The following WWP1 variants were observed in gnomAD, a reference collection of about 807,000 sequenced individuals.
The protein encoded by WWP1 is WW domain containing E3 ubiquitin protein ligase 1, also known as NEDD4-like E3 ubiquitin-protein ligase WWP1.
A neutral mutation model predicts 130.6 loss-of-function variants in WWP1; 49 were observed. The ratio of observed to expected loss-of-function variants is 0.38; its 90% CI spans 0.30 to 0.48. WWP1 has a LOEUF of 0.48. Among genes scored for constraint, WWP1 ranks in the 20% least tolerant of loss-of-function variants. The pLI is 0.99. For missense variants in WWP1, 809 were observed against 1,100.6 expected (o/e 0.74, Z 3.75); for synonymous variants, 332 against 367.8 (o/e 0.90, Z 1.11).
At position 86,342,629 on chromosome 8, in the gene WWP1, G is replaced by GCGCGGCGCCGGCGACGCGGCCA. The variant is rs1018125963; in HGVS notation, c.-407_-386dup. 24 of 221,872 alleles carry GCGCGGCGCCGGCGACGCGGCCA rather than the reference G, an allele frequency of 1.1e-4. No individual in the cohort carries two copies. In the South Asian group the frequency reaches 2.2e-3, roughly 20 times the overall value. The allele number at this position is 221,872 out of a possible 1,614,324, so 13.7% of individuals were successfully genotyped here. A position where few individuals can be genotyped will look rare whatever the true frequency, so the allele number is the denominator to read the frequency against. ...GCCGGCGGGGAGGCGCGCGCTTAGG[G>GCGCGGCGCCGGCGACGCGGCCA]CGCGGCGCCGGCGACGCGGCCACGC... On this transcript the variant is annotated 5_prime_UTR_variant, in exon 1 of 25. Coordinates refer to ENST00000517970, the MANE Select transcript of WWP1 (RefSeq NM_007013.4).
chr8:86,361,995 T>TATATATATATAC (rs1563465163), intron 1 of WWP1, among the ~76,000 whole-genome samples: 2 of 129,420 alleles, frequency 1.5e-5, no homozygotes, highest in African/African-American at 2.6e-5. Flanking sequence ...TATATATACA[T>TATATATATATAC]ATATATACAC....
chr8:86,434,148 C>T (rs1279157527), intron 14 of WWP1, among the ~76,000 whole-genome samples: 2 of 152,126 alleles, frequency 1.3e-5, no homozygotes, highest in African/African-American at 2.4e-5. Context: ...TGTTGTTACT[C>T]TCCATACAGC....
intron 24 of WWP1, 101 bp downstream of exon 24, chr8:86,461,947 A>G (rs1015516102): frequency 1.1e-6 from 1 of 905,698 alleles, no homozygotes; most frequent in African/African-American, 1.7e-5. Flanking sequence ...CTTATTCATT[A>G]AAGTAGTCAG....
In WWP1 at chr8:86,459,757, G is replaced by A. The variant is rs561424539; in HGVS notation, c.2500-1467G>A. On this transcript the variant is annotated intron_variant, in intron 22 of 24. Coordinates refer to ENST00000517970, the MANE Select transcript of WWP1 (RefSeq NM_007013.4). ...GCTTTTTACTAGCTTCATTACAGTC[G>A]GTGTTCCATGGCTTTCTGTTTACAC... is the stretch of plus-strand genomic sequence containing the variant. 4.7e-4 allele frequency among the ~76,000 whole-genome samples: 71 copies of A among 152,122 alleles called. No individual in the cohort carries two copies. The South Asian group carries it at 9.5e-3, about 20-fold the overall frequency.
At position 86,448,294 on chromosome 8, in the gene WWP1, T is replaced by C; in HGVS notation, c.2132+13T>C. The C allele has an allele frequency of 1.9e-6, 3 of 1,584,546 alleles. No individual in the cohort carries two copies. The highest frequency in any genetic ancestry group is 2.6e-6 in the Non-Finnish European group (3 of 1,170,812). ...TTATCTGGATAAGGTTTGAAGATTTTGTTTTGCAATAAGTCATTTTTTTGA... is the reference window on the plus strand; with the variant it reads ...TTATCTGGATAAGGTTTGAAGATTTCGTTTTGCAATAAGTCATTTTTTTGA... On this transcript the variant is annotated intron_variant, in intron 19 of 24. Transcript: ENST00000517970.
chr8:86,424,261 G>A (rs1385893364), intron 9 of WWP1, among the ~76,000 whole-genome samples: 2 of 151,272 alleles, frequency 1.3e-5, no homozygotes, highest in East Asian at 2.0e-4. Flanking sequence ...GCCAGGCAGA[G>A]ACACTCCTCA....
At chr8:86,390,220 C>G (rs61661701) in intron 5 of WWP1, among the ~76,000 whole-genome samples, 9 of 149,690 alleles carry the variant, frequency 6.0e-5, no homozygotes, top group Admixed American at 1.3e-4. Context: ...ACTGGGCGGC[C>G]GGGCAGAGGG....
chr8:86,429,058 G>A (rs574301336), intron 11 of WWP1, among the ~76,000 whole-genome samples: 2 of 152,222 alleles, frequency 1.3e-5, no homozygotes, highest in South Asian at 2.1e-4. Context: ...TCAAGGACCC[G>A]GGTTCTTTCT....
intron 10 of WWP1, among the ~76,000 whole-genome samples, chr8:86,427,303 T>C (rs2130656069): frequency 6.6e-6 from 1 of 152,216 alleles, no homozygotes; most frequent in South Asian, 2.1e-4. Context: ...ACCTAGATGA[T>C]GTGTTGATAG....
intron 22 of WWP1, among the ~76,000 whole-genome samples, chr8:86,460,946 A>AC (rs1304870115): frequency 2.6e-5 from 4 of 151,526 alleles, no homozygotes; most frequent in Non-Finnish European, 5.9e-5. Flanking sequence ...AGTAGCTGGG[A>AC]CTACAGGCGC....
intron 18 of WWP1, among the ~76,000 whole-genome samples, chr8:86,447,588 T>C (rs1563542373): frequency 6.6e-6 from 1 of 152,136 alleles, no homozygotes; most frequent in East Asian, 1.9e-4. Flanking sequence ...ATTTTAATGA[T>C]TGACTATGGA....
At chr8:86,355,252 A>G (rs931049378) in intron 1 of WWP1, among the ~76,000 whole-genome samples, 2 of 152,202 alleles carry the variant, frequency 1.3e-5, no homozygotes, top group African/African-American at 2.4e-5. Context: ...GAGTAATGAT[A>G]TCCTGATGAT....
chr8:86,435,829 C>A (rs1586457381), intron 16 of WWP1, 125 bp downstream of exon 16: 2 of 871,152 alleles, frequency 2.3e-6, no homozygotes, highest in East Asian at 5.1e-5. Context: ...ATGACTGCCA[C>A]CACCACTTGT....
At chr8:86,363,071 C>A (rs1465355780) in intron 1 of WWP1, among the ~76,000 whole-genome samples, 2 of 152,038 alleles carry the variant, frequency 1.3e-5, no homozygotes, top group Non-Finnish European at 2.9e-5. Context: ...ACAAAATTAT[C>A]ACAAATTTAG....
chr8:86,372,638 T>C (rs939388627), intron 2 of WWP1, among the ~76,000 whole-genome samples: 11 of 152,222 alleles, frequency 7.2e-5, no homozygotes, highest in African/African-American at 2.7e-4. Flanking sequence ...AGTTTCATTT[T>C]TTTTCCATAT....
chr8:86,381,042 A>C (rs1824956661), intron 4 of WWP1, among the ~76,000 whole-genome samples, 178 bp downstream of exon 4: 1 of 151,794 alleles, frequency 6.6e-6, no homozygotes, highest in Admixed American at 6.6e-5. Flanking sequence ...AGGATGCATA[A>C]TAATGCTTGC....
intron 5 of WWP1, among the ~76,000 whole-genome samples, chr8:86,384,992 C>A (rs1476402761): frequency 1.3e-5 from 2 of 148,760 alleles, no homozygotes; most frequent in East Asian, 4.0e-4. Flanking sequence ...CCACTGCATT[C>A]AAGTCTGGGT....
At chr8:86,462,785 T>A (rs1811836326) in intron 24 of WWP1, among the ~76,000 whole-genome samples, 1 of 151,974 alleles carries the variant, frequency 6.6e-6, no homozygotes, top group Non-Finnish European at 1.5e-5. Context: ...GCAAAAGCAA[T>A]GGTTTGTGAA....
chr8:86,345,122 A>G (rs761004663), intron 1 of WWP1, among the ~76,000 whole-genome samples: 72 of 152,152 alleles, frequency 4.7e-4, no homozygotes, highest in Non-Finnish European at 9.3e-4. Context: ...GAAAGGAAGA[A>G]AGGAAGTCGA....
Sources: allele counts gnomAD v4.1 joint callset (sites outside exome capture counted in the v4.1 genomes callset), GRCh38; gene constraint gnomAD v4.1.1; transcripts MANE v1.5; gene names NCBI Gene and HGNC (gene_info 2026-07-23, HGNC 2026-07-21).